Variants in CNTNAP5 observed in about 807,000 individuals in gnomAD.
The protein encoded by CNTNAP5 is contactin-associated protein-like 5.
Under a neutral mutation model 150.2 loss-of-function variants are expected in CNTNAP5, and 72 were observed. The observed-to-expected ratio is 0.48, with a 90% CI of 0.40 to 0.58. The LOEUF (loss-of-function observed/expected upper bound fraction) is 0.58. Among genes scored for constraint, CNTNAP5 ranks in the 20% least tolerant of loss-of-function variants. The pLI, the probability that CNTNAP5 is intolerant of heterozygous loss-of-function variation, is 0.00. For missense variants in CNTNAP5, 1,636 were observed against 1,626.2 expected, an observed-to-expected ratio of 1.01 and a Z score of -0.10; for synonymous variants, 672 against 619.8, an observed-to-expected ratio of 1.08 and a Z score of -1.25.
chr2:124,198,811 T>C (rs1267109306), intron 1 of CNTNAP5, among the ~76,000 whole-genome samples: 7 of 152,042 alleles, frequency 4.6e-5, no homozygotes, highest in Admixed American at 4.6e-4. Context: ...CTATCTGGCA[T>C]GTATTATTTT....
At chr2:124,115,149 A>G (rs1683393619) in intron 1 of CNTNAP5, among the ~76,000 whole-genome samples, 1 of 152,074 alleles carries the variant, frequency 6.6e-6, no homozygotes, top group Admixed American at 6.6e-5. Flanking sequence ...TGACTATTAT[A>G]TTTTATTTTT....
chr2:124,169,806 C>T (rs1684889170), intron 1 of CNTNAP5, among the ~76,000 whole-genome samples: 1 of 152,200 alleles, frequency 6.6e-6, no homozygotes. Flanking sequence ...AGTGTGAAGG[C>T]AGTAGCCCCT....
intron 3 of CNTNAP5, among the ~76,000 whole-genome samples, chr2:124,319,793 G>A (rs1457941577): frequency 6.6e-6 from 1 of 152,144 alleles, no homozygotes; most frequent in Non-Finnish European, 1.5e-5. Flanking sequence ...ATTCAGAAAG[G>A]AAGGGGGTTG....
intron 3 of CNTNAP5, among the ~76,000 whole-genome samples, chr2:124,252,684 G>A (rs1204283127): frequency 6.6e-6 from 1 of 152,090 alleles, no homozygotes; most frequent in Non-Finnish European, 1.5e-5. Context: ...ACAACTCAAT[G>A]AATGGCTTTG....
At chr2:124,256,297 T>C (rs532236312) in intron 3 of CNTNAP5, among the ~76,000 whole-genome samples, 33 of 152,308 alleles carry the variant, frequency 2.2e-4, no homozygotes, top group African/African-American at 6.3e-4. Flanking sequence ...GGATATGCCG[T>C]ACCTTTGAAG....
intron 22 of CNTNAP5, among the ~76,000 whole-genome samples, chr2:124,910,036 C>T (rs1020280270): frequency 6.6e-6 from 1 of 151,658 alleles, no homozygotes; most frequent in Non-Finnish European, 1.5e-5. Flanking sequence ...TCCCATTTGA[C>T]CCCATCAGCC....
At chr2:124,239,716 G>T (rs1309388170) in intron 2 of CNTNAP5, among the ~76,000 whole-genome samples, 1 of 151,360 alleles carries the variant, frequency 6.6e-6, no homozygotes, top group East Asian at 1.9e-4. Context: ...TACTGAGAAA[G>T]AATGCAGCCT....
intron 16 of CNTNAP5, among the ~76,000 whole-genome samples, chr2:124,766,642 T>C (rs898659051): frequency 6.6e-6 from 1 of 152,190 alleles, no homozygotes; most frequent in Non-Finnish European, 1.5e-5. Flanking sequence ...TCTCTAAAAA[T>C]GTTGAGTTGA....
chr2:124,409,947 G>T (rs1691700793), intron 3 of CNTNAP5, among the ~76,000 whole-genome samples: 1 of 150,542 alleles, frequency 6.6e-6, no homozygotes, highest in African/African-American at 2.4e-5. Flanking sequence ...TGGATAAAGA[G>T]TCAAGAGCTG....
chr2:124,450,659 C>T (rs6757460), intron 6 of CNTNAP5, among the ~76,000 whole-genome samples: 15,139 of 151,064 alleles, frequency 0.1, 1,246 homozygotes, highest in African/African-American at 0.2. Flanking sequence ...CTTCTCCAAA[C>T]GCTGCGAGAA....
chr2:124,514,949 C>T (rs1046317775), intron 8 of CNTNAP5, among the ~76,000 whole-genome samples: 6 of 152,134 alleles, frequency 3.9e-5, no homozygotes, highest in Non-Finnish European at 8.8e-5. Flanking sequence ...TAATGGTTAG[C>T]GTGTGGATGT....
At chr2:124,612,306 A>G (rs1677403235) in intron 12 of CNTNAP5, among the ~76,000 whole-genome samples, 1 of 152,218 alleles carries the variant, frequency 6.6e-6, no homozygotes, top group African/African-American at 2.4e-5. Context: ...ATATATACAT[A>G]CAGACACAGA....
chr2:124,422,438 T>G (rs1692128164), intron 4 of CNTNAP5, among the ~76,000 whole-genome samples: 1 of 152,202 alleles, frequency 6.6e-6, no homozygotes. Flanking sequence ...TTTTCTAGAC[T>G]TTATCAGTCT....
At chr2:124,796,681 G>A (rs919553485) in intron 18 of CNTNAP5, among the ~76,000 whole-genome samples, 2 of 152,214 alleles carry the variant, frequency 1.3e-5, no homozygotes, top group African/African-American at 4.8e-5. Flanking sequence ...GAATTAGGAA[G>A]AAAAAGCCAG....
chr2:124,414,333 G>A (rs1228605966), intron 3 of CNTNAP5, among the ~76,000 whole-genome samples: 3 of 152,048 alleles, frequency 2.0e-5, no homozygotes, highest in South Asian at 2.1e-4. Flanking sequence ...GCTGATTGTA[G>A]CTTTGTTTAG....
At chr2:124,876,675 A>C (rs541238568) in intron 21 of CNTNAP5, among the ~76,000 whole-genome samples, 1 of 152,066 alleles carries the variant, frequency 6.6e-6, no homozygotes, top group Non-Finnish European at 1.5e-5. Flanking sequence ...ATTTCATTTT[A>C]AATGCATAGG....
chr2:124,397,377 T>A (rs1320135545), intron 3 of CNTNAP5, among the ~76,000 whole-genome samples: 2 of 152,210 alleles, frequency 1.3e-5, no homozygotes, highest in African/African-American at 4.8e-5. Context: ...GGCTGTTTTC[T>A]CATTGCCTCC....
chr2:124,216,031 T>A (rs954780285), intron 1 of CNTNAP5, among the ~76,000 whole-genome samples: 2 of 152,156 alleles, frequency 1.3e-5, no homozygotes, highest in Admixed American at 1.3e-4. Context: ...CAAACCCTTA[T>A]ATATAAAGTG....
intron 9 of CNTNAP5, among the ~76,000 whole-genome samples, 196 bp downstream of exon 9, chr2:124,524,648 T>A (rs1034610015): frequency 3.3e-5 from 5 of 152,104 alleles, no homozygotes; most frequent in African/African-American, 1.2e-4. Flanking sequence ...TGTGTGCAAA[T>A]ATAAATTATC....
Sources: allele counts gnomAD v4.1 joint callset (sites outside exome capture counted in the v4.1 genomes callset), GRCh38; gene constraint gnomAD v4.1.1; transcripts MANE v1.5; gene names NCBI Gene and HGNC (gene_info 2026-07-23, HGNC 2026-07-21).